The following RASAL1 variants were observed in gnomAD, a reference collection of about 807,000 sequenced individuals.
RASAL1 encodes the protein RAS protein activator like 1.
In RASAL1, 72 loss-of-function variants were observed where a neutral mutation model predicts 96.6. That is an observed-to-expected ratio of 0.75 (90% confidence interval 0.62 to 0.91). The LOEUF is 0.91. Ranked by LOEUF, RASAL1 falls within the 40% of genes least tolerant of loss-of-function variation. The probability of loss-of-function intolerance (pLI) is 0.00; values close to 1 mark genes in which losing one functional copy is unlikely to be tolerated. For synonymous variants in RASAL1, 405 were observed against 430.4 expected, an observed-to-expected ratio of 0.94 and a Z score of 0.73; for missense variants, 1,016 against 1,072.5, an observed-to-expected ratio of 0.95 and a Z score of 0.74.
chr12:113,135,361 C>A lies in RASAL1; in HGVS notation c.65+37G>T, dbSNP rs1038796417. 1.1e-5 allele frequency: 18 copies of A among 1,584,138 alleles called. No homozygotes were observed. Among genetic ancestry groups the A allele is most frequent in the Non-Finnish European group, 1.5e-5 (18 of 1,164,938 alleles). On this transcript the variant is annotated intron_variant, in intron 1 of 20. Coordinates refer to ENST00000548055, the MANE Select transcript of RASAL1 (RefSeq NM_001301202.2). This position sits in a 1 kb window ranked among gnomAD's most constrained non-coding sequence, Gnocchi z 5.7. ...GACGTCGGCCCCACCCCAGGCCTTG[C>A]GCGCCCCTCACCCAGAAGCGCCCGA... is the stretch of plus-strand genomic sequence containing the variant.
At position 113,099,976 on chromosome 12, in the gene RASAL1, G is replaced by C; in HGVS notation, c.2371C>G (p.Gln791Glu). ...ADLDRAHEEFQQQERGKAALG... is the reference protein window; with the variant it reads ...ADLDRAHEEFEQQERGKAALG... The stretch of plus-strand genomic sequence containing the variant: ...GCCGCCTTCCCTCGCTCCTGCTGCT[G>C]GAACTCCTCGTGGGCACGATCCAGG... Residue 791 changes from glutamine (Q) to glutamate (E), a missense_variant, in exon 21 of 21, where the codon CAG becomes GAG. By Grantham distance (29) the Gln-to-Glu change is conservative. Transcript: ENST00000548055. The C allele has an allele frequency of 6.2e-7, 1 of 1,613,798 alleles. No homozygotes were observed.
At position 113,130,857 on chromosome 12, in the gene RASAL1, T is replaced by C; in HGVS notation, c.122+28A>G. ...GTCTAGAAAGAGACCCCTCCCTTCCTCCTCTCCCCCGTGTCGCCACCCCTC... is the reference window on the plus strand; with the variant it reads ...GTCTAGAAAGAGACCCCTCCCTTCCCCCTCTCCCCCGTGTCGCCACCCCTC... On this transcript the variant is annotated intron_variant, in intron 2 of 20. Coordinates refer to ENST00000548055, the MANE Select transcript of RASAL1 (RefSeq NM_001301202.2). This position sits in a 1 kb window ranked among gnomAD's most constrained non-coding sequence, Gnocchi z 5.1. 6.3e-7 allele frequency: 1 copy of C among 1,597,834 alleles called. No homozygotes were observed. The highest frequency in any genetic ancestry group is 1.7e-5 in the Admixed American group (1 of 59,212).
chr12:113,109,375 G>T (rs1950778496), intron 13 of RASAL1, among the ~76,000 whole-genome samples: 1 of 152,132 alleles, frequency 6.6e-6, no homozygotes, highest in African/African-American at 2.4e-5. Flanking sequence ...AACCCAGTCT[G>T]ATGGGCTCCA....
At chr12:113,109,405 C>T (rs936751366) in intron 13 of RASAL1, among the ~76,000 whole-genome samples, 7 of 152,154 alleles carry the variant, frequency 4.6e-5, no homozygotes, top group Non-Finnish European at 8.8e-5. Context: ...CTGTGTGCAC[C>T]TCCCCACCTC....
At chr12:113,118,114 C>T (rs893039790) in intron 7 of RASAL1, among the ~76,000 whole-genome samples, 1 of 152,144 alleles carries the variant, frequency 6.6e-6, no homozygotes, top group African/African-American at 2.4e-5. Flanking sequence ...ACCCCAGCTA[C>T]TTGGGAGACT....
intron 4 of RASAL1, among the ~76,000 whole-genome samples, chr12:113,124,037 T>C (rs1022952337): frequency 2.6e-5 from 4 of 152,032 alleles, no homozygotes; most frequent in Admixed American, 1.3e-4. Flanking sequence ...CTGGCCAACA[T>C]GGCAAAACCC....
chr12:113,109,469 G>C (rs1439602141), intron 13 of RASAL1, among the ~76,000 whole-genome samples: 2 of 151,942 alleles, frequency 1.3e-5, no homozygotes, highest in Non-Finnish European at 2.9e-5. Flanking sequence ...TGTGAATCCG[G>C]GGCCTGGCCC....
intron 6 of RASAL1, 25 bp from the exon 7 acceptor site, chr12:113,119,284 G>A: frequency 6.2e-7 from 1 of 1,611,592 alleles, no homozygotes; most frequent in Non-Finnish European, 8.5e-7. Flanking sequence ...AGTGGTCTGT[G>A]AGTGGGAGAG....
chr12:113,107,940 A>T, intron 14 of RASAL1, 145 bp downstream of exon 14: 1 of 919,200 alleles, frequency 1.1e-6, no homozygotes, highest in Non-Finnish European at 1.6e-6. Context: ...CACCCTTGGG[A>T]TGGAATGCTA....
intron 16 of RASAL1, among the ~76,000 whole-genome samples, chr12:113,105,435 A>C (rs1332725191): frequency 6.6e-6 from 1 of 152,264 alleles, no homozygotes; most frequent in Non-Finnish European, 1.5e-5. Context: ...GAGGCTCAGC[A>C]TCATCCCTGT....
chr12:113,109,433 A>G (rs1329016435), intron 13 of RASAL1, among the ~76,000 whole-genome samples: 1 of 152,086 alleles, frequency 6.6e-6, no homozygotes, highest in Non-Finnish European at 1.5e-5. Context: ...TGCCCTCTAC[A>G]AACTGTAGAG....
At chr12:113,112,360 G>T in intron 12 of RASAL1, 82 bp from the exon 13 acceptor site, 1 of 1,114,990 alleles carries the variant, frequency 9.0e-7, no homozygotes, top group Middle Eastern at 2.4e-4. Context: ...GCTGAGCTCC[G>T]AGAGGACTCA....
chr12:113,110,898 G>C (rs1013153545), intron 13 of RASAL1, among the ~76,000 whole-genome samples: 2 of 152,218 alleles, frequency 1.3e-5, no homozygotes, highest in Non-Finnish European at 2.9e-5. Context: ...CTGAGCAACA[G>C]AGCAAGACCC....
chr12:113,111,757 T>C (rs1950871594), intron 13 of RASAL1, among the ~76,000 whole-genome samples: 1 of 151,786 alleles, frequency 6.6e-6, no homozygotes, highest in Non-Finnish European at 1.5e-5. Context: ...CCATGCCCAG[T>C]TAATTTTTGT....
At chr12:113,119,560 T>A in intron 5 of RASAL1, 117 bp from the exon 6 acceptor site, 3 of 1,009,008 alleles carry the variant, frequency 3.0e-6, no homozygotes, top group Non-Finnish European at 4.5e-6. Context: ...AACTGTTCCA[T>A]GTAGGGGTCC....
chr12:113,134,135 G>GA (rs1182696209), intron 1 of RASAL1, among the ~76,000 whole-genome samples: 1 of 152,210 alleles, frequency 6.6e-6, no homozygotes, highest in Non-Finnish European at 1.5e-5. Flanking sequence ...GGACATCTTA[G>GA]AAAGAGTCTG....
intron 1 of RASAL1, among the ~76,000 whole-genome samples, chr12:113,132,845 A>G (rs1951773135): frequency 6.6e-6 from 1 of 152,120 alleles, no homozygotes; most frequent in Non-Finnish European, 1.5e-5. Context: ...TGTGGATCCT[A>G]CATCTGAATC....
chr12:113,107,217 C>G lies in RASAL1; in HGVS notation c.1537G>C (p.Gly513Arg), dbSNP rs751930130. The G allele has an allele frequency of 6.2e-7, 1 of 1,610,750 alleles. No homozygotes were observed. Among genetic ancestry groups the G allele is most frequent in the Admixed American group, 1.7e-5 (1 of 59,742 alleles). Residue 513 changes from glycine (G) to arginine (R), a missense_variant, in exon 15 of 21, where the codon GGC becomes CGC. Coordinates refer to ENST00000548055, the MANE Select transcript of RASAL1 (RefSeq NM_001301202.2). ...AKAVQSIGNL[G>R]QQLGQGKELW... ...TCCTTGCCTTGGCCCAGCTGCTGGC[C>G]CAGGTTTCCAATGCTCTGCACAGCC...
At position 113,135,606 on chromosome 12, in the gene RASAL1, G is replaced by A. The variant is rs1951884655; in HGVS notation, c.-144C>T. ...CTGTCCGAGACCCGGGTAGCTGGAT[G>A]GGAGATTTCCGAAAGAGGAGAAGGT... On this transcript the variant is annotated 5_prime_UTR_variant, in exon 1 of 21. Transcript: ENST00000548055. This position sits in a 1 kb window ranked among gnomAD's most constrained non-coding sequence, Gnocchi z 5.7. 1.4e-6 allele frequency: 1 copy of A among 690,474 alleles called. No individual in the cohort carries two copies. The highest frequency in any genetic ancestry group is 1.8e-5 in the African/African-American group (1 of 55,758). The allele number at this position is 690,474 out of a possible 1,614,324, so 42.8% of individuals were successfully genotyped here. A position where few individuals can be genotyped will look rare whatever the true frequency, so the allele number is the denominator to read the frequency against.
Sources: allele counts gnomAD v4.1 joint callset (sites outside exome capture counted in the v4.1 genomes callset), GRCh38; gene constraint gnomAD v4.1.1; non-coding constraint Gnocchi (gnomAD v3.1); transcripts MANE v1.5; gene names NCBI Gene and HGNC (gene_info 2026-07-23, HGNC 2026-07-21).